LDB2: variants seen among roughly 807,000 people sequenced by gnomAD.
The protein encoded by LDB2 is LIM domain-binding protein 2.
A neutral mutation model predicts 44.3 loss-of-function variants in LDB2; 12 were observed. The observed-to-expected ratio is 0.27, with a 90% CI of 0.17 to 0.44. The LOEUF (loss-of-function observed/expected upper bound fraction) is 0.44, where lower values mean the gene tolerates loss of function less well. Ranked by LOEUF, LDB2 falls within the 20% of genes least tolerant of loss-of-function variation. The pLI, the probability that LDB2 is intolerant of heterozygous loss-of-function variation, is 1.00. For missense variants in LDB2, 344 were observed against 473.5 expected (o/e 0.73, Z 2.54); for synonymous variants, 164 against 174.8 (o/e 0.94, Z 0.49).
chr4:16,573,468 T>G lies in LDB2; in HGVS notation c.615+12454A>C, dbSNP rs150015362. 2.4e-3 allele frequency among the ~76,000 whole-genome samples: 370 copies of G among 152,348 alleles called. 1 individual carries two copies. The highest frequency in any genetic ancestry group is 8.4e-3 in the African/African-American group (351 of 41,586). On this transcript the variant is annotated intron_variant, in intron 5 of 7. Coordinates refer to ENST00000304523, the MANE Select transcript of LDB2 (RefSeq NM_001290.5). ...GTCAATGAGATGAGTCCACTGGTCATGCACTATCAGTCTACCTGACAATGC... is the reference window on the plus strand; with the variant it reads ...GTCAATGAGATGAGTCCACTGGTCAGGCACTATCAGTCTACCTGACAATGC...
intron 1 of LDB2, among the ~76,000 whole-genome samples, chr4:16,846,446 C>T (rs1025808973): frequency 6.6e-6 from 1 of 152,172 alleles, no homozygotes; most frequent in Non-Finnish European, 1.5e-5. Context: ...TTTAGCAGAA[C>T]AAGTTGCATT....
At chr4:16,561,920 C>T (rs956947262) in intron 5 of LDB2, among the ~76,000 whole-genome samples, 2 of 152,150 alleles carry the variant, frequency 1.3e-5, no homozygotes, top group African/African-American at 4.8e-5. Flanking sequence ...CGCCACATAT[C>T]TACAACTATC....
At chr4:16,883,451 A>G (rs997771962) in intron 1 of LDB2, among the ~76,000 whole-genome samples, 1 of 152,192 alleles carries the variant, frequency 6.6e-6, no homozygotes, top group Non-Finnish European at 1.5e-5. Flanking sequence ...TCAATGCACA[A>G]AGCATATGGG....
chr4:16,522,128 G>A (rs1045808269), intron 5 of LDB2, among the ~76,000 whole-genome samples: 1 of 138,158 alleles, frequency 7.2e-6, no homozygotes, highest in Non-Finnish European at 1.7e-5. Context: ...ATTTACCTAG[G>A]TTCTGGCTTA....
rs1209109519 is a variant in LDB2 at position 16,545,923 on chromosome 4, C to T, written c.616-33819G>A. On this transcript the variant is annotated intron_variant, in intron 5 of 7. Transcript: ENST00000304523. ...CCGAAGCAGATGATTGCCTCTGGCA[C>T]CCGCCGTATGCAATTCGAGGTGAAA... Among the ~76,000 whole-genome samples the T allele has an allele frequency of 2.0e-5, 3 of 152,342 alleles. No homozygotes were observed. The East Asian group carries it at 5.8e-4, about 29-fold the overall frequency.
chr4:16,747,887 T>C (rs1355322250), intron 2 of LDB2, among the ~76,000 whole-genome samples: 1 of 152,174 alleles, frequency 6.6e-6, no homozygotes, highest in African/African-American at 2.4e-5. Flanking sequence ...TGTTTTTTCA[T>C]TGTTTTCAGT....
intron 2 of LDB2, among the ~76,000 whole-genome samples, chr4:16,728,977 A>G (rs1454148278): frequency 6.6e-6 from 1 of 152,232 alleles, no homozygotes; most frequent in African/African-American, 2.4e-5. Flanking sequence ...TAAAAATCAA[A>G]TGAGATCCCT....
At position 16,739,583 on chromosome 4, in the gene LDB2, A is replaced by G. The variant is rs560534088; in HGVS notation, c.235+19575T>C. Among the ~76,000 whole-genome samples, 4 of 85,130 alleles carry G rather than the reference A, an allele frequency of 4.7e-5. No individual in the cohort carries two copies. The South Asian group carries it at 1.4e-3, about 31-fold the overall frequency. The allele number at this position is 85,130 out of a possible 152,430, so 55.8% of individuals were successfully genotyped here. A position where few individuals can be genotyped will look rare whatever the true frequency, so the allele number is the denominator to read the frequency against. ...CCTCGGTGACAGAGGGAAAAAAAAA[A>G]AAAAAAATATATATATATATATATA... On this transcript the variant is annotated intron_variant, in intron 2 of 7. Coordinates refer to ENST00000304523, the MANE Select transcript of LDB2 (RefSeq NM_001290.5).
chr4:16,894,313 C>T (rs1724287867), intron 1 of LDB2, among the ~76,000 whole-genome samples: 1 of 152,044 alleles, frequency 6.6e-6, no homozygotes, highest in Non-Finnish European at 1.5e-5. Flanking sequence ...TTTCTGCTGC[C>T]TGGGAATTAC....
chr4:16,511,490 CTTCA>C (rs1351315103), intron 6 of LDB2, among the ~76,000 whole-genome samples: 2 of 152,092 alleles, frequency 1.3e-5, no homozygotes, highest in Admixed American at 1.3e-4. Flanking sequence ...TCCTTTCCTC[CTTCA>C]TTCATCTGTT....
At chr4:16,715,774 T>A (rs941783400) in intron 2 of LDB2, among the ~76,000 whole-genome samples, 30 of 152,154 alleles carry the variant, frequency 2.0e-4, no homozygotes, top group African/African-American at 7.2e-4. Context: ...TTTTGGTGTA[T>A]GGGGAAGTCA....
intron 1 of LDB2, among the ~76,000 whole-genome samples, chr4:16,880,857 T>C (rs1239734559): frequency 7.4e-6 from 1 of 135,568 alleles, no homozygotes; most frequent in Non-Finnish European, 1.5e-5. Flanking sequence ...TGAGTCAAGA[T>C]CACACCACTG....
At chr4:16,883,627 C>T (rs541619745) in intron 1 of LDB2, among the ~76,000 whole-genome samples, 1 of 152,286 alleles carries the variant, frequency 6.6e-6, no homozygotes, top group African/African-American at 2.4e-5. Context: ...TGGGTGAGGT[C>T]AGGTTTCACC....
At chr4:16,657,113 C>T (rs1026149436) in intron 2 of LDB2, among the ~76,000 whole-genome samples, 21 of 152,010 alleles carry the variant, frequency 1.4e-4, no homozygotes, top group African/African-American at 4.1e-4. Context: ...GGTAATGAAG[C>T]GGACAATATA....
chr4:16,505,813 C>T, intron 7 of LDB2: 1 of 1,520,620 alleles, frequency 6.6e-7, no homozygotes, highest in Non-Finnish European at 8.8e-7. Context: ...CATCTTCTCA[C>T]TAATCCCCCG....
At chr4:16,693,157 T>A (rs2152606658) in intron 2 of LDB2, among the ~76,000 whole-genome samples, 1 of 152,096 alleles carries the variant, frequency 6.6e-6, no homozygotes, top group East Asian at 1.9e-4. Context: ...ACACAAGGAG[T>A]GAGTCTCTAA....
intron 2 of LDB2, among the ~76,000 whole-genome samples, chr4:16,758,685 C>T (rs1767208167): frequency 6.6e-6 from 1 of 152,098 alleles, no homozygotes. Context: ...TGTGGCCTCC[C>T]CACACCCCAA....
chr4:16,790,450 G>A (rs141233568), intron 1 of LDB2, among the ~76,000 whole-genome samples: 2 of 152,242 alleles, frequency 1.3e-5, no homozygotes, highest in African/African-American at 4.8e-5. Flanking sequence ...AATGCAGCAT[G>A]AGTAGAGGAA....
chr4:16,522,272 GTGTT>G, intron 5 of LDB2, among the ~76,000 whole-genome samples: 1 of 138,342 alleles, frequency 7.2e-6, no homozygotes, highest in South Asian at 2.6e-4. Flanking sequence ...CCGTGTGTGT[GTGTT>G]TGTGTGTGTG....
Sources: allele counts gnomAD v4.1 joint callset (sites outside exome capture counted in the v4.1 genomes callset), GRCh38; gene constraint gnomAD v4.1.1; transcripts MANE v1.5; gene names NCBI Gene and HGNC (gene_info 2026-07-23, HGNC 2026-07-21).